TIMD4: variants seen among roughly 807,000 people sequenced by gnomAD.
TIMD4 encodes T cell immunoglobulin and mucin domain containing 4.
TIMD4 carries 31 observed loss-of-function variants against 41.2 expected under a neutral mutation model. The observed-to-expected ratio is 0.75, with a 90% CI of 0.57 to 1.01. The LOEUF is 1.01. TIMD4 is among the 50% of genes least tolerant of loss of function. The pLI, the probability that TIMD4 is intolerant of heterozygous loss-of-function variation, is 0.00. For missense variants in TIMD4, 479 were observed against 472.5 expected (o/e 1.01, Z -0.13); for synonymous variants, 204 against 177.1 (o/e 1.15, Z -1.21).
At chr5:156,946,449 CTT>C (rs1344172773) in intron 5 of TIMD4, among the ~76,000 whole-genome samples, 3 of 152,086 alleles carry the variant, frequency 2.0e-5, no homozygotes, top group African/African-American at 2.4e-5. Flanking sequence ...TCCATTCACT[CTT>C]GTCTGTTTCC....
At chr5:156,950,119 CT>C (rs11361881) in intron 3 of TIMD4, among the ~76,000 whole-genome samples, 102,940 of 151,740 alleles carry the variant, frequency 0.68, 35,117 homozygotes, top group East Asian at 0.86. Context: ...CACCTGGCCA[CT>C]TTTTTTTTCT....
At chr5:156,925,951 T>C (rs140795362) in intron 6 of TIMD4, among the ~76,000 whole-genome samples, 1,973 of 152,370 alleles carry the variant, frequency 0.013, 19 homozygotes, top group Middle Eastern at 0.051. Flanking sequence ...GCCACCAGGC[T>C]GGAGTGCAAT....
At chr5:156,932,532 G>A (rs979878493) in intron 5 of TIMD4, among the ~76,000 whole-genome samples, 8 of 152,130 alleles carry the variant, frequency 5.3e-5, no homozygotes, top group Non-Finnish European at 8.8e-5. Flanking sequence ...AAAGGCCTGC[G>A]AGGGTTAATA....
chr5:156,952,125 A>C (rs1302789473), intron 2 of TIMD4, among the ~76,000 whole-genome samples: 1 of 152,008 alleles, frequency 6.6e-6, no homozygotes, highest in African/African-American at 2.4e-5. Flanking sequence ...CCCTGCCTCT[A>C]CTAAAAATAC....
At chr5:156,925,819 G>T (rs2053866726) in intron 6 of TIMD4, among the ~76,000 whole-genome samples, 1 of 152,212 alleles carries the variant, frequency 6.6e-6, no homozygotes, top group African/African-American at 2.4e-5. Flanking sequence ...TTTCATAATT[G>T]TTGCAATGAA....
intron 4 of TIMD4, among the ~76,000 whole-genome samples, chr5:156,949,418 CCCTCCT>C (rs150412627): frequency 0.093 from 13,626 of 146,058 alleles, 765 homozygotes; most frequent in African/African-American, 0.16. Flanking sequence ...TTCCCTACCT[CCCTCCT>C]CCTCCTCCTC....
intron 1 of TIMD4, 30 bp downstream of exon 1, chr5:156,963,111 C>T (rs1433675365): frequency 2.5e-6 from 4 of 1,612,392 alleles, no homozygotes; most frequent in Non-Finnish European, 3.4e-6. Context: ...CCTCTGGAAA[C>T]TTCTACATAG....
intron 5 of TIMD4, among the ~76,000 whole-genome samples, 188 bp downstream of exon 5, chr5:156,948,228 G>A (rs1358922338): frequency 6.6e-6 from 1 of 151,614 alleles, no homozygotes; most frequent in East Asian, 1.9e-4. Flanking sequence ...GGCCAGGCAA[G>A]CTGGCTCTAG....
chr5:156,947,274 T>A (rs561815039), intron 5 of TIMD4, among the ~76,000 whole-genome samples: 9 of 152,198 alleles, frequency 5.9e-5, no homozygotes, highest in African/African-American at 1.7e-4. Flanking sequence ...TTGAAAAAGT[T>A]AAACAAACAG....
Position 156,951,687 on chromosome 5 carries a change from TG to T in TIMD4, c.503del (p.Pro168GlnfsTer5), listed in dbSNP as rs1244974311. 4.3e-6 allele frequency: 7 copies of T among 1,613,950 alleles called. No homozygotes were observed. In the South Asian group the frequency reaches 7.7e-5, roughly 18 times the overall value. On this transcript the variant is annotated frameshift_variant, in exon 3 of 9. Transcript: ENST00000274532. LOFTEE classifies it high-confidence loss of function. ...RQMTTTPAAL[P>X]TTVVTTPDLT... ...GATCGGGTGTGGTCACGACTGTTGT[TG>T]GAAGTGCAGCTGGGGTTGTTGTCAT...
chr5:156,944,512 TTTTTTTTTTTGAGACGGAGTCTCGTTA>T (rs1448930575), intron 5 of TIMD4, among the ~76,000 whole-genome samples: 28 of 141,274 alleles, frequency 2.0e-4, no homozygotes, highest in African/African-American at 6.7e-4. Context: ...TTTTTTTTTT[TTTTTTTTTTTGAGACGGAGTCTCGTTA>T]TTTCCCCCAG....
intron 1 of TIMD4, 64 bp from the exon 2 acceptor site, chr5:156,954,820 T>A: frequency 7.4e-7 from 1 of 1,355,108 alleles, no homozygotes; most frequent in Non-Finnish European, 1.0e-6. Flanking sequence ...TGCTACACAG[T>A]TTTTGTGCTA....
In TIMD4 at chr5:156,951,631, G is replaced by GT; in HGVS notation, c.559dup (p.Thr187AsnfsTer33). On this transcript the variant is annotated frameshift_variant, in exon 3 of 9. Transcript: ENST00000274532. LOFTEE classifies it high-confidence loss of function. Reference sequence around the variant, plus strand: ...GTTTGCTGTTGTGAAGACGGCAATGGTTGTCATCTGGAGTGGTGTTCCGGT... The same window carrying GT: ...GTTTGCTGTTGTGAAGACGGCAATGGTTTGTCATCTGGAGTGGTGTTCCGGT... 1.9e-6 allele frequency: 3 copies of GT among 1,614,208 alleles called. No homozygotes were observed. In the South Asian group the frequency reaches 3.3e-5, roughly 18 times the overall value.
intron 2 of TIMD4, 133 bp from the exon 3 acceptor site, chr5:156,951,923 A>G (rs775577160): frequency 6.2e-5 from 78 of 1,250,348 alleles, no homozygotes; most frequent in Non-Finnish European, 8.2e-5. Flanking sequence ...GTAATGCCCA[A>G]TAAAATTGTG....
intron 6 of TIMD4, chr5:156,924,474 G>T (rs915785162): frequency 2.0e-6 from 1 of 490,102 alleles, no homozygotes; most frequent in East Asian, 5.7e-5. Flanking sequence ...TATTGGTTTT[G>T]CTGGCCTTGT....
chr5:156,953,999 A>G (rs1371006477), intron 2 of TIMD4, among the ~76,000 whole-genome samples: 1 of 152,212 alleles, frequency 6.6e-6, no homozygotes, highest in African/African-American at 2.4e-5. Flanking sequence ...AGAAGTGGCA[A>G]ACTGTTGGTT....
intron 5 of TIMD4, among the ~76,000 whole-genome samples, chr5:156,941,986 T>C (rs1179197106): frequency 6.6e-6 from 1 of 152,078 alleles, no homozygotes; most frequent in African/African-American, 2.4e-5. Flanking sequence ...TAGAAAAAAA[T>C]GTTTCTAAAC....
intron 7 of TIMD4, among the ~76,000 whole-genome samples, chr5:156,920,709 G>GT (rs2113335050): frequency 6.6e-6 from 1 of 152,286 alleles, no homozygotes; most frequent in South Asian, 2.1e-4. Flanking sequence ...CAATTACCAA[G>GT]TTGTTCCAAC....
At chr5:156,952,385 G>C (rs921449726) in intron 2 of TIMD4, among the ~76,000 whole-genome samples, 1 of 151,394 alleles carries the variant, frequency 6.6e-6, no homozygotes, top group Admixed American at 6.6e-5. Flanking sequence ...ACCCAGTCCT[G>C]CACCTTGGCC....
Sources: allele counts gnomAD v4.1 joint callset (sites outside exome capture counted in the v4.1 genomes callset), GRCh38; gene constraint gnomAD v4.1.1; transcripts MANE v1.5; gene names NCBI Gene and HGNC (gene_info 2026-07-23, HGNC 2026-07-21).